AMMECR1: variants seen among roughly 807,000 people sequenced by gnomAD.
The protein encoded by AMMECR1 is AMMECR nuclear protein 1.
Under a neutral mutation model 22.5 loss-of-function variants are expected in AMMECR1, and 3 were observed. The observed-to-expected ratio is 0.13, with a 90% CI of 0.06 to 0.35. The LOEUF is 0.35. Among genes scored for constraint, AMMECR1 ranks in the 10% least tolerant of loss-of-function variants. The pLI, the probability that AMMECR1 is intolerant of heterozygous loss-of-function variation, is 1.00. For missense variants in AMMECR1, 235 were observed against 278.7 expected, an observed-to-expected ratio of 0.84 and a Z score of 1.12; for synonymous variants, 130 against 116.7, an observed-to-expected ratio of 1.11 and a Z score of -0.74.
intron 2 of AMMECR1, among the ~76,000 whole-genome samples, chrX:110,389,938 T>G (rs762272520): frequency 3.7e-4 from 41 of 112,204 alleles, no homozygotes; most frequent in African/African-American, 1.2e-3. Context: ...GAGAAAGTTT[T>G]ATTTCACCAA....
intron 1 of AMMECR1, among the ~76,000 whole-genome samples, chrX:110,276,240 T>C (rs986642829): frequency 8.9e-6 from 1 of 112,332 alleles, no homozygotes; most frequent in Non-Finnish European, 1.9e-5. Flanking sequence ...TGGTTCTTTA[T>C]ATGTCTTTCA....
At chrX:110,402,235 C>G (rs1309061600) in intron 2 of AMMECR1, among the ~76,000 whole-genome samples, 2 of 113,125 alleles carry the variant, frequency 1.8e-5, no homozygotes, top group Non-Finnish European at 3.7e-5. Flanking sequence ...AGCCCTACAT[C>G]ATAATCTGAT....
intron 1 of AMMECR1, among the ~76,000 whole-genome samples, chrX:110,298,749 G>T (rs1334442887): frequency 1.8e-5 from 2 of 111,167 alleles, no homozygotes; most frequent in African/African-American, 6.5e-5. Flanking sequence ...AAACAGAGCA[G>T]ATAATATAGA....
chrX:110,322,749 T>C (rs1196352182), upstream of AMMECR1, among the ~76,000 whole-genome samples: 1 of 112,247 alleles, frequency 8.9e-6, no homozygotes, highest in Non-Finnish European at 1.9e-5. Flanking sequence ...GTGTAGCTCA[T>C]TTTGCCTCAC....
At position 110,317,716 on chromosome X, in the gene AMMECR1, G is replaced by C. The variant is rs745844977; in HGVS notation, c.356C>G (p.Pro119Arg). The C allele has an allele frequency of 8.1e-5, 97 of 1,202,047 alleles. No homozygotes were observed. Among genetic ancestry groups the C allele is most frequent in the Admixed American group, 7.3e-4 (33 of 45,079 alleles). Residue 119 changes from proline (P) to arginine (R), a missense_variant, in exon 1 of 6, where the codon CCG (proline) becomes CGG (arginine). Physicochemically the swap from Pro to Arg is moderately radical, Grantham distance 103. Transcript: ENST00000262844. Reference protein sequence around the residue: ...SSSSAASSSSPGSRKMVVSAE... With the variant: ...SSSSAASSSSRGSRKMVVSAE... ...TGACACCACCATCTTCCGGGAGCCC[G>C]GCGATGAGGACGAGGCGGCGGACGA... is the stretch of plus-strand genomic sequence containing the variant.
intron 1 of AMMECR1, among the ~76,000 whole-genome samples, chrX:110,433,207 G>A (rs1477962430): frequency 8.9e-6 from 1 of 112,671 alleles, no homozygotes; most frequent in African/African-American, 3.2e-5. Context: ...AGTTGATTGA[G>A]TACCTGCTAT....
intron 1 of AMMECR1, among the ~76,000 whole-genome samples, chrX:110,435,945 G>A (rs1437113713): frequency 1.8e-5 from 2 of 112,404 alleles, no homozygotes; most frequent in Non-Finnish European, 3.8e-5. Context: ...CAGGCAAAGA[G>A]CAAATCACAG....
At chrX:110,363,463 C>A (rs913345679) in intron 2 of AMMECR1, among the ~76,000 whole-genome samples, 12 of 111,730 alleles carry the variant, frequency 1.1e-4, no homozygotes, top group Non-Finnish European at 2.3e-4. Flanking sequence ...CCCTATGTGT[C>A]ATTAAGGAGT....
At chrX:110,330,953 A>T (rs1398225342) in intron 2 of AMMECR1, among the ~76,000 whole-genome samples, 2 of 110,879 alleles carry the variant, frequency 1.8e-5, no homozygotes, top group South Asian at 7.7e-4. Flanking sequence ...TGCCCCTACT[A>T]CTGCTCCAAC....
chrX:110,427,319 C>T (rs140545987), intron 1 of AMMECR1, among the ~76,000 whole-genome samples: 194 of 112,165 alleles, frequency 1.7e-3, no homozygotes, highest in African/African-American at 5.9e-3. Context: ...CCTCACAACA[C>T]CTGAGACTTG....
chrX:110,406,377 A>G (rs943512551), intron 2 of AMMECR1, among the ~76,000 whole-genome samples: 3 of 109,602 alleles, frequency 2.7e-5, no homozygotes, highest in Non-Finnish European at 5.7e-5. Flanking sequence ...TGATCTTGCG[A>G]TAGTTTGCTG....
intron 2 of AMMECR1, chrX:110,346,925 C>G (rs760259389): frequency 9.1e-6 from 5 of 547,207 alleles, no homozygotes; most frequent in Non-Finnish European, 1.7e-5. Context: ...ACGCGGGGGC[C>G]GGGCCGATTC....
chrX:110,282,845 G>C lies in AMMECR1; in HGVS notation c.474-18246C>G, dbSNP rs144660045. Among the ~76,000 whole-genome samples the C allele has an allele frequency of 1.9e-3, 216 of 111,297 alleles. 1 individual carries two copies. The highest frequency in any genetic ancestry group is 6.8e-3 in the African/African-American group (207 of 30,632). On this transcript the variant is annotated intron_variant, in intron 1 of 5. Coordinates refer to ENST00000262844, the MANE Select transcript of AMMECR1 (RefSeq NM_015365.3). ...AGCATATTATGATATTATGAATTAA[G>C]TACTATTAGGTGCTTTCATATGCAT...
At chrX:110,250,031 T>C (rs1384544814) in intron 2 of AMMECR1, among the ~76,000 whole-genome samples, 1 of 112,267 alleles carries the variant, frequency 8.9e-6, no homozygotes, top group Non-Finnish European at 1.9e-5. Context: ...TCTAAGGGTA[T>C]TGTTCATTTT....
At chrX:110,360,921 C>T (rs962363565) in intron 2 of AMMECR1, among the ~76,000 whole-genome samples, 1 of 111,568 alleles carries the variant, frequency 9.0e-6, no homozygotes, top group African/African-American at 3.3e-5. Context: ...GGCTTGAAGC[C>T]TAAGATATCT....
At chrX:110,315,913 A>G (rs1476414445) in intron 1 of AMMECR1, among the ~76,000 whole-genome samples, 1 of 112,647 alleles carries the variant, frequency 8.9e-6, no homozygotes, top group East Asian at 2.7e-4. Context: ...TATTTCATAG[A>G]TTTATTTTAC....
intron 2 of AMMECR1, chrX:110,346,812 G>T: frequency 1.4e-6 from 1 of 723,327 alleles, no homozygotes; most frequent in Non-Finnish European, 2.2e-6. Flanking sequence ...TTTCAAGTCT[G>T]CAGCTGCCTG....
chrX:110,263,125 G>A (rs2067750421), intron 2 of AMMECR1, among the ~76,000 whole-genome samples: 1 of 110,667 alleles, frequency 9.0e-6, no homozygotes, highest in Admixed American at 9.6e-5. Flanking sequence ...TATTAAATGT[G>A]TAATTTAATA....
At chrX:110,236,564 T>C (rs1293101606) in intron 2 of AMMECR1, among the ~76,000 whole-genome samples, 1 of 112,291 alleles carries the variant, frequency 8.9e-6, no homozygotes, top group Non-Finnish European at 1.9e-5. Context: ...GGTATAACTT[T>C]AGCTCTATGA....
Sources: allele counts gnomAD v4.1 joint callset (sites outside exome capture counted in the v4.1 genomes callset), GRCh38; gene constraint gnomAD v4.1.1; transcripts MANE v1.5; gene names NCBI Gene and HGNC (gene_info 2026-07-23, HGNC 2026-07-21).